The following PARM1 variants were observed in gnomAD, a reference collection of about 807,000 sequenced individuals.
PARM1 encodes the protein prostate androgen-regulated mucin-like protein 1.
PARM1 carries 14 observed loss-of-function variants against 24.6 expected under a neutral mutation model. The ratio of observed to expected loss-of-function variants is 0.57; its 90% CI spans 0.38 to 0.89. PARM1 has a LOEUF of 0.89. Ranked by LOEUF, PARM1 falls within the 40% of genes least tolerant of loss-of-function variation. PARM1 has a pLI of 0.00. For synonymous variants in PARM1, 179 were observed against 156.6 expected (o/e 1.14, Z -1.07); for missense variants, 362 against 380.4 (o/e 0.95, Z 0.40).
At chr4:74,970,654 T>G (rs904009459) in intron 1 of PARM1, among the ~76,000 whole-genome samples, 1 of 152,232 alleles carries the variant, frequency 6.6e-6, no homozygotes, top group Admixed American at 6.5e-5. Flanking sequence ...TTACCGAGCA[T>G]GTTTCAAATC....
intron 1 of PARM1, among the ~76,000 whole-genome samples, chr4:74,994,948 C>T (rs1171592144): frequency 3.9e-5 from 6 of 152,068 alleles, no homozygotes; most frequent in Non-Finnish European, 5.9e-5. Context: ...TGTTTCCTGG[C>T]GCTCAGCTAC....
chr4:75,032,932 A>G (rs1044304739), intron 2 of PARM1, among the ~76,000 whole-genome samples: 1 of 152,226 alleles, frequency 6.6e-6, no homozygotes, highest in Non-Finnish European at 1.5e-5. Flanking sequence ...AGGGGACAAG[A>G]GCCCAGTTGA....
At chr4:74,976,245 C>T (rs555550145) in intron 1 of PARM1, among the ~76,000 whole-genome samples, 1 of 152,296 alleles carries the variant, frequency 6.6e-6, no homozygotes, top group African/African-American at 2.4e-5. Flanking sequence ...ACTGTGGCTC[C>T]AGTCTGTCAT....
At position 74,953,623 on chromosome 4, in the gene PARM1, G is replaced by A. The variant is rs1002881531; in HGVS notation, c.43+20253G>A. On this transcript the variant is annotated intron_variant, in intron 1 of 3. Coordinates refer to ENST00000307428, the MANE Select transcript of PARM1 (RefSeq NM_015393.4). ...AAAGAACTTAATCAGGAAATCTGAG[G>A]TTATATAAGGGGTGAGCAGGTCAAC... 9.2e-5 allele frequency among the ~76,000 whole-genome samples: 14 copies of A among 152,304 alleles called. 1 individual carries two copies. Among genetic ancestry groups the A allele is most frequent in the Admixed American group, 8.5e-4 (13 of 15,304 alleles).
chr4:75,045,839 C>T (rs1398622498), intron 3 of PARM1, among the ~76,000 whole-genome samples: 2 of 152,184 alleles, frequency 1.3e-5, no homozygotes, highest in Non-Finnish European at 2.9e-5. Flanking sequence ...TGCAAGCTTC[C>T]CTTTCCCATC....
intron 3 of PARM1, among the ~76,000 whole-genome samples, chr4:75,044,859 A>C (rs1458989219): frequency 6.6e-6 from 1 of 152,184 alleles, no homozygotes. Context: ...GCAGGCAATA[A>C]AAAAGAAAGC....
intron 2 of PARM1, among the ~76,000 whole-genome samples, chr4:75,013,952 C>T (rs1722930400): frequency 6.6e-6 from 1 of 152,116 alleles, no homozygotes; most frequent in Non-Finnish European, 1.5e-5. Context: ...CAGGAAGAGT[C>T]TTTCATCGGA....
intron 1 of PARM1, among the ~76,000 whole-genome samples, chr4:74,973,850 A>G (rs58588305): frequency 0.027 from 4,168 of 151,934 alleles, 83 homozygotes; most frequent in South Asian, 0.076. Context: ...AATATGTTAC[A>G]TGTATGTGTG....
At chr4:74,992,726 C>A (rs1182502493) in intron 1 of PARM1, among the ~76,000 whole-genome samples, 1 of 152,054 alleles carries the variant, frequency 6.6e-6, no homozygotes, top group Non-Finnish European at 1.5e-5. Context: ...AACAAACATT[C>A]AATTTAGAAT....
Position 75,046,487 on chromosome 4 carries a change from C to T in PARM1, c.*240C>T. 4.7e-6 allele frequency: 2 copies of T among 428,098 alleles called. No homozygotes were observed. The highest frequency in any genetic ancestry group is 8.6e-6 in the Non-Finnish European group (2 of 233,508). The allele number at this position is 428,098 out of a possible 1,614,324, so 26.5% of individuals were successfully genotyped here. On this transcript the variant is annotated 3_prime_UTR_variant, in exon 4 of 4. Transcript: ENST00000307428. Reference sequence around the variant, plus strand: ...TTGCAGCTGAAGTGGGCCAGCCTTGCACCAGCCAGGCCAGACCACCATGGT... The same window carrying T: ...TTGCAGCTGAAGTGGGCCAGCCTTGTACCAGCCAGGCCAGACCACCATGGT...
intron 2 of PARM1, among the ~76,000 whole-genome samples, chr4:75,023,034 T>A (rs1723118199): frequency 6.6e-6 from 1 of 152,230 alleles, no homozygotes; most frequent in Admixed American, 6.5e-5. Context: ...ACTCATGGCC[T>A]TCAAGGGGTA....
At chr4:75,025,297 A>T (rs768771968) in intron 2 of PARM1, among the ~76,000 whole-genome samples, 1 of 152,160 alleles carries the variant, frequency 6.6e-6, no homozygotes, top group African/African-American at 2.4e-5. Flanking sequence ...GAATGAGGGG[A>T]TTGATCCCAG....
intron 1 of PARM1, among the ~76,000 whole-genome samples, chr4:74,952,752 A>G (rs1407563770): frequency 6.6e-6 from 1 of 152,232 alleles, no homozygotes; most frequent in East Asian, 1.9e-4. Context: ...ACTGAAAAAC[A>G]TAGAAAATGT....
At chr4:75,003,789 C>A (rs940369657) in intron 1 of PARM1, among the ~76,000 whole-genome samples, 2 of 152,128 alleles carry the variant, frequency 1.3e-5, no homozygotes, top group Non-Finnish European at 2.9e-5. Context: ...TGTGTAGGTG[C>A]GAAACTTTTG....
intron 1 of PARM1, among the ~76,000 whole-genome samples, chr4:75,008,613 T>A (rs979066769): frequency 9.9e-5 from 15 of 152,236 alleles, no homozygotes; most frequent in African/African-American, 3.6e-4. Flanking sequence ...ATTTGTATAT[T>A]TTTACATTCC....
rs1432730502 is a variant in PARM1 at position 75,050,110 on chromosome 4, C to T, written c.*3863C>T. The T allele has an allele frequency of 1.3e-5, 2 of 152,542 alleles. No homozygotes were observed. The highest frequency in any genetic ancestry group is 6.5e-5 in the Admixed American group (1 of 15,278). The allele number at this position is 152,542 out of a possible 1,614,324, so 9.4% of individuals were successfully genotyped here. On this transcript the variant is annotated 3_prime_UTR_variant, in exon 4 of 4. Transcript: ENST00000307428. ...TTATATCAATTAAAGTTGATAAAAG[C>T]TTCCATCTGTCTGTGGGTGATTCAC... is the stretch of plus-strand genomic sequence containing the variant.
intron 2 of PARM1, among the ~76,000 whole-genome samples, chr4:75,029,149 A>G (rs910670478): frequency 2.0e-5 from 3 of 152,134 alleles, no homozygotes; most frequent in Non-Finnish European, 4.4e-5. Flanking sequence ...AAATGATGCC[A>G]CAGTTGATTC....
chr4:74,970,341 CCTT>C (rs1341367079), intron 1 of PARM1: 23 of 152,356 alleles, frequency 1.5e-4, no homozygotes, highest in African/African-American at 3.6e-4. Flanking sequence ...GTGGCTCTGT[CCTT>C]CTTTTCAAGT....
intron 1 of PARM1, among the ~76,000 whole-genome samples, chr4:74,979,219 A>T (rs936016670): frequency 1.3e-5 from 2 of 152,036 alleles, no homozygotes; most frequent in South Asian, 2.1e-4. Flanking sequence ...AAAATAGACC[A>T]CTAGCTAGAC....
Sources: gnomAD v4.1 joint callset for allele counts (sites outside exome capture counted in the v4.1 genomes callset) on GRCh38, gnomAD v4.1.1 for gene constraint, MANE v1.5 for transcripts, NCBI Gene and HGNC (gene_info 2026-07-23, HGNC 2026-07-21) for gene names.